Variants in SAMSN1 observed in about 807,000 individuals in gnomAD.
The protein encoded by SAMSN1 is SAM domain-containing protein SAMSN-1.
A neutral mutation model predicts 42.0 loss-of-function variants in SAMSN1; 31 were observed. The ratio of observed to expected loss-of-function variants is 0.74; its 90% CI spans 0.55 to 1.00. SAMSN1 has a LOEUF of 1.00. Ranked by LOEUF, SAMSN1 falls within the 50% of genes least tolerant of loss-of-function variation. The probability of loss-of-function intolerance (pLI) is 0.00; values close to 1 mark genes in which losing one functional copy is unlikely to be tolerated. For synonymous variants in SAMSN1, 178 were observed against 151.9 expected, an observed-to-expected ratio of 1.17 and a Z score of -1.26; for missense variants, 464 against 439.4, an observed-to-expected ratio of 1.06 and a Z score of -0.50.
At chr21:14,569,134 A>C (rs1365398794) in intron 2 of SAMSN1, among the ~76,000 whole-genome samples, 1 of 152,030 alleles carries the variant, frequency 6.6e-6, no homozygotes, top group Non-Finnish European at 1.5e-5. Context: ...CTATTTAAAA[A>C]AAAAAATAAA....
intron 2 of SAMSN1, among the ~76,000 whole-genome samples, chr21:14,639,175 G>A (rs973430351): frequency 8.5e-5 from 13 of 152,186 alleles, no homozygotes; most frequent in African/African-American, 2.9e-4. Context: ...GCTTGATCCA[G>A]TTAGCCCCAA....
intron 2 of SAMSN1, among the ~76,000 whole-genome samples, chr21:14,639,796 C>T (rs1010690244): frequency 5.3e-5 from 8 of 152,036 alleles, no homozygotes; most frequent in African/African-American, 9.7e-5. Context: ...TGTTCACTCC[C>T]GCTAGTTTTT....
In SAMSN1 at chr21:14,582,163, G is replaced by A. The variant is rs1007597779; in HGVS notation, c.234C>T (p.Cys78=). ...ATGAATGTAGGAGATCCATATCTGA[G>A]CAGGAAGACTTGAGACGTGTGTGGC... The change falls in exon 2 of 9, where the codon TGC becomes TGT. Residue 78 remains cysteine, a synonymous_variant. Transcript: ENST00000285670. 3.0e-5 allele frequency: 46 copies of A among 1,549,696 alleles called. No individual in the cohort carries two copies. In the African/African-American group the frequency reaches 5.5e-4, roughly 18 times the overall value.
At chr21:14,554,615 G>A (rs932483271) in intron 2 of SAMSN1, among the ~76,000 whole-genome samples, 9 of 151,486 alleles carry the variant, frequency 5.9e-5, no homozygotes, top group African/African-American at 2.2e-4. Context: ...ATCATGGTAT[G>A]AAAAAACCCG....
chr21:14,569,156 G>A (rs560970568), intron 2 of SAMSN1, among the ~76,000 whole-genome samples: 35 of 152,052 alleles, frequency 2.3e-4, no homozygotes, highest in East Asian at 7.7e-4. Flanking sequence ...ATAGCTAGGC[G>A]TGTTGTTGCA....
intron 2 of SAMSN1, among the ~76,000 whole-genome samples, chr21:14,518,215 C>G (rs1297996589): frequency 6.6e-6 from 1 of 151,506 alleles, no homozygotes; most frequent in East Asian, 1.9e-4. Context: ...ACCCTCCACA[C>G]TTCCATACAT....
intron 2 of SAMSN1, among the ~76,000 whole-genome samples, chr21:14,571,537 G>A (rs557422180): frequency 9.2e-5 from 14 of 152,266 alleles, no homozygotes; most frequent in Non-Finnish European, 1.5e-4. Context: ...TCCCAGGAAG[G>A]AGAGGGAACA....
intron 1 of SAMSN1, among the ~76,000 whole-genome samples, chr21:14,656,455 C>T (rs2123403273): frequency 6.6e-6 from 1 of 151,850 alleles, no homozygotes; most frequent in East Asian, 1.9e-4. Flanking sequence ...TGATTTGTAA[C>T]CTCATGGGTT....
intron 1 of SAMSN1, among the ~76,000 whole-genome samples, chr21:14,542,151 A>C (rs1254994938): frequency 3.3e-5 from 5 of 152,230 alleles, no homozygotes; most frequent in Non-Finnish European, 7.3e-5. Flanking sequence ...CTAAACTTAC[A>C]GACGCTCTTA....
chr21:14,527,760 T>TA lies in SAMSN1; in HGVS notation c.58-6540dup, dbSNP rs71183427. On this transcript the variant is annotated intron_variant, in intron 1 of 7. Coordinates refer to ENST00000400566, the MANE Select transcript of SAMSN1 (RefSeq NM_022136.5). ...TTACCTGAAGGAAAGAAACTAGAAC[T>TA]AAAAAAAAAAAAAAAAAAAAAAATG... Among the ~76,000 whole-genome samples the TA allele has an allele frequency of 2.3e-3, 250 of 107,846 alleles. 1 individual carries two copies. The highest frequency in any genetic ancestry group is 6.7e-3 in the African/African-American group (149 of 22,176). The allele number at this position is 107,846 out of a possible 152,430, so 70.8% of individuals were successfully genotyped here. A position where few individuals can be genotyped will look rare whatever the true frequency, so the allele number is the denominator to read the frequency against.
At chr21:14,505,186 C>G (rs962414445) in intron 5 of SAMSN1, among the ~76,000 whole-genome samples, 1 of 151,132 alleles carries the variant, frequency 6.6e-6, no homozygotes, top group Non-Finnish European at 1.5e-5. Context: ...TTAAAAAACA[C>G]AAAAAACCAA....
rs181590773 is a variant in SAMSN1 at position 14,593,447 on chromosome 21, C to T, written c.465+566G>A. 1.3e-3 allele frequency among the ~76,000 whole-genome samples: 192 copies of T among 152,130 alleles called. 1 individual carries two copies. Among genetic ancestry groups the T allele is most frequent in the African/African-American group, 4.5e-3 (186 of 41,522 alleles). Reference sequence around the variant, plus strand: ...CTGACCTTCTAAAACATGTCCTTTCCATGAACTTCTGTTTAGCAATATCTC... The same window carrying T: ...CTGACCTTCTAAAACATGTCCTTTCTATGAACTTCTGTTTAGCAATATCTC... On this transcript the variant is annotated intron_variant, in intron 7 of 15. Coordinates refer to the SAMSN1 transcript ENST00000647101.
At chr21:14,640,860 G>C (rs1359489044) in intron 2 of SAMSN1, among the ~76,000 whole-genome samples, 4 of 151,960 alleles carry the variant, frequency 2.6e-5, no homozygotes, top group Admixed American at 2.6e-4. Context: ...TTAATTAAAT[G>C]CTGAGAAATT....
At chr21:14,555,321 C>T (rs1980730366) in intron 2 of SAMSN1, among the ~76,000 whole-genome samples, 1 of 152,208 alleles carries the variant, frequency 6.6e-6, no homozygotes, top group Non-Finnish European at 1.5e-5. Flanking sequence ...TTTGCATCTT[C>T]TTGGTAAGTG....
At chr21:14,496,735 T>C (rs1016078241) in intron 7 of SAMSN1, among the ~76,000 whole-genome samples, 6 of 152,208 alleles carry the variant, frequency 3.9e-5, no homozygotes, top group African/African-American at 7.2e-5. Flanking sequence ...CATCTCCCTC[T>C]CTTTTGCATC....
At chr21:14,543,216 G>T (rs552225980) in intron 1 of SAMSN1, among the ~76,000 whole-genome samples, 1 of 152,114 alleles carries the variant, frequency 6.6e-6, no homozygotes, top group South Asian at 2.1e-4. Flanking sequence ...AATATCTCTG[G>T]TCTCTGCCTC....
chr21:14,656,317 T>A (rs1600987134), intron 1 of SAMSN1, among the ~76,000 whole-genome samples: 1 of 151,898 alleles, frequency 6.6e-6, no homozygotes, highest in Admixed American at 6.6e-5. Flanking sequence ...ATTATTAATA[T>A]TTTAATAAGT....
At chr21:14,599,884 A>C (rs1333172856) in intron 6 of SAMSN1, among the ~76,000 whole-genome samples, 1 of 151,998 alleles carries the variant, frequency 6.6e-6, no homozygotes, top group Non-Finnish European at 1.5e-5. Flanking sequence ...TTGTTTCTTT[A>C]TTTTGTGTTG....
intron 2 of SAMSN1, among the ~76,000 whole-genome samples, chr21:14,575,742 G>A (rs374769181): frequency 1.4e-4 from 22 of 152,258 alleles, no homozygotes; most frequent in East Asian, 7.7e-4. Context: ...GAACACAGAG[G>A]TTTTTTGGCA....
Sources: gnomAD v4.1 joint callset for allele counts (sites outside exome capture counted in the v4.1 genomes callset) on GRCh38, gnomAD v4.1.1 for gene constraint, MANE v1.5 for transcripts, NCBI Gene and HGNC (gene_info 2026-07-23, HGNC 2026-07-21) for gene names.